The following NPIPB2 variants were observed in gnomAD, a reference collection of about 807,000 sequenced individuals.
NPIPB2 encodes the protein nuclear pore complex interacting protein family member B2, also known as nuclear pore complex-interacting protein family member B2.
A neutral mutation model predicts 30.8 loss-of-function variants in NPIPB2; 27 were observed. The observed-to-expected ratio is 0.88, with a 90% confidence interval of 0.65 to 1.21. The LOEUF is 1.21. NPIPB2 is among the 50% of genes most tolerant of loss of function. The pLI, the probability that NPIPB2 is intolerant of heterozygous loss-of-function variation, is 0.00. For missense variants in NPIPB2, 440 were observed against 446.2 expected (o/e 0.99, Z 0.13); for synonymous variants, 147 against 162.0 (o/e 0.91, Z 0.70).
chr16:11,966,612 A>G (rs2055196260), intron 1 of NPIPB2, among the ~76,000 whole-genome samples: 2 of 152,202 alleles, frequency 1.3e-5, no homozygotes, highest in African/African-American at 2.4e-5. Flanking sequence ...CTTGGGAAAC[A>G]TCAGTCTCTT....
intron 2 of NPIPB2, among the ~76,000 whole-genome samples, chr16:11,934,975 C>G (rs1224219534): frequency 7.0e-6 from 1 of 143,006 alleles, no homozygotes; most frequent in African/African-American, 2.6e-5. Context: ...ACATGTTTCA[C>G]AACTTGAAAA....
At chr16:11,973,993 G>A (rs2055251877) in intron 1 of NPIPB2, among the ~76,000 whole-genome samples, 1 of 152,170 alleles carries the variant, frequency 6.6e-6, no homozygotes, top group Non-Finnish European at 1.5e-5. Context: ...TCTTGTGAAA[G>A]CATTTGTTCA....
intron 1 of NPIPB2, among the ~76,000 whole-genome samples, chr16:11,951,805 A>G (rs1596500978): frequency 6.6e-6 from 1 of 152,034 alleles, no homozygotes; most frequent in African/African-American, 2.4e-5. Flanking sequence ...AGGCGGGCGG[A>G]TGATGAGGTC....
intron 1 of NPIPB2, chr16:11,967,800 G>A: frequency 1.2e-6 from 2 of 1,614,196 alleles, no homozygotes; most frequent in Non-Finnish European, 1.7e-6. Flanking sequence ...GAGCCTGCCA[G>A]CTGCTTTGAG....
At chr16:11,974,795 A>G (rs1403060794) in intron 1 of NPIPB2, among the ~76,000 whole-genome samples, 1 of 151,704 alleles carries the variant, frequency 6.6e-6, no homozygotes, top group African/African-American at 2.4e-5. Flanking sequence ...AACAATGTGC[A>G]GGGCGCGGTG....
downstream of NPIPB2, chr16:11,927,351 T>C: frequency 1.2e-6 from 1 of 839,606 alleles, no homozygotes; most frequent in South Asian, 1.4e-5. Context: ...TATTTTGTTC[T>C]ACTCAGTTTT....
At chr16:11,974,077 T>G (rs578147400) in intron 1 of NPIPB2, among the ~76,000 whole-genome samples, 1 of 152,202 alleles carries the variant, frequency 6.6e-6, no homozygotes, top group African/African-American at 2.4e-5. Context: ...TTTAGGCAGA[T>G]GAAGGAACTT....
chr16:11,967,340 C>A (rs11570157), intron 1 of NPIPB2, among the ~76,000 whole-genome samples: 2,067 of 152,248 alleles, frequency 0.014, 47 homozygotes, highest in African/African-American at 0.047. Flanking sequence ...CTGTTTCAAG[C>A]TGGGTGTGGT....
At chr16:11,945,202 T>G (rs188923771), upstream of NPIPB2, among the ~76,000 whole-genome samples, 18 of 151,164 alleles carry the variant, frequency 1.2e-4, no homozygotes, top group African/African-American at 4.4e-4. Context: ...ATAAACAAAC[T>G]AACAAATAAA....
At chr16:11,974,796 G>T (rs2055258689) in intron 1 of NPIPB2, among the ~76,000 whole-genome samples, 1 of 152,110 alleles carries the variant, frequency 6.6e-6, no homozygotes, top group African/African-American at 2.4e-5. Context: ...ACAATGTGCA[G>T]GGCGCGGTGG....
chr16:11,968,119 T>C (rs1285113758), intron 1 of NPIPB2: 3 of 324,868 alleles, frequency 9.2e-6, no homozygotes, highest in African/African-American at 4.4e-5. Context: ...TGTATACCAG[T>C]GTGGGGGGTG....
chr16:11,941,624 C>T (rs2150919123), intron 1 of NPIPB2, among the ~76,000 whole-genome samples: 1 of 151,902 alleles, frequency 6.6e-6, no homozygotes, highest in South Asian at 2.1e-4. Context: ...TTCTGCTATC[C>T]ACCAAACCTT....
chr16:11,938,777 T>C (rs1262147919), intron 1 of NPIPB2, among the ~76,000 whole-genome samples: 3 of 151,742 alleles, frequency 2.0e-5, no homozygotes, highest in African/African-American at 4.8e-5. Context: ...GAGACAAAGT[T>C]TTGCTCTGTC....
chr16:11,937,825 G>A (rs1427799113), intron 1 of NPIPB2, among the ~76,000 whole-genome samples, 157 bp from the exon 2 acceptor site: 1 of 152,206 alleles, frequency 6.6e-6, no homozygotes, highest in Non-Finnish European at 1.5e-5. Context: ...AAGAACAGAA[G>A]TTAGAAGTCA....
At chr16:11,933,833 C>T (rs1388475625) in exon 3 of NPIPB2, 2 of 1,587,618 alleles carry the variant, frequency 1.3e-6, no homozygotes, top group Non-Finnish European at 1.7e-6. Context: ...ACCTTCCTGT[C>T]TACGGCGGTT....
chr16:11,962,153 G>A (rs1293092320), intron 1 of NPIPB2, among the ~76,000 whole-genome samples: 1 of 146,392 alleles, frequency 6.8e-6, no homozygotes, highest in Non-Finnish European at 1.5e-5. Flanking sequence ...AGCCCTGATG[G>A]TGCCACTGCA....
intron 1 of NPIPB2, among the ~76,000 whole-genome samples, chr16:11,960,827 C>G (rs1017048257): frequency 2.0e-5 from 3 of 151,964 alleles, no homozygotes; most frequent in Non-Finnish European, 2.9e-5. Context: ...AGGCTAAAAT[C>G]TCTCCTTGCT....
chr16:11,960,357 T>C (rs947787540), intron 1 of NPIPB2, among the ~76,000 whole-genome samples: 2 of 148,302 alleles, frequency 1.3e-5, no homozygotes, highest in African/African-American at 5.0e-5. Flanking sequence ...GGTTCCCTTT[T>C]TTTTTTTTTT....
intron 2 of NPIPB2, 96 bp downstream of exon 2, chr16:11,937,444 A>T: frequency 2.7e-6 from 2 of 738,974 alleles, no homozygotes; most frequent in South Asian, 4.0e-5. Flanking sequence ...GTAAAACCAC[A>T]TATTCATAAT....
Sources: allele counts gnomAD v4.1 joint callset (sites outside exome capture counted in the v4.1 genomes callset), GRCh38; gene constraint gnomAD v4.1.1; transcripts MANE v1.5; gene names NCBI Gene and HGNC (gene_info 2026-07-23, HGNC 2026-07-21).